Variants in CTNNA3 observed in about 807,000 individuals in gnomAD.
CTNNA3 encodes catenin alpha-3.
CTNNA3 carries 76 observed loss-of-function variants against 95.7 expected under a neutral mutation model. The observed-to-expected ratio is 0.79, with a 90% CI of 0.66 to 0.96. The LOEUF is 0.96. Ranked by LOEUF, CTNNA3 falls within the 40% of genes least tolerant of loss-of-function variation. The probability of loss-of-function intolerance (pLI) is 0.00; values close to 1 mark genes in which losing one functional copy is unlikely to be tolerated. For missense variants in CTNNA3, 1,191 were observed against 1,089.8 expected, an observed-to-expected ratio of 1.09 and a Z score of -1.31; for synonymous variants, 431 against 374.4, an observed-to-expected ratio of 1.15 and a Z score of -1.74.
At chr10:66,623,427 G>A (rs1173074919) in intron 9 of CTNNA3, among the ~76,000 whole-genome samples, 1 of 150,082 alleles carries the variant, frequency 6.7e-6, no homozygotes, top group African/African-American at 2.4e-5. Flanking sequence ...CCTTTTGAAA[G>A]TATACATTCT....
chr10:66,446,611 A>G (rs1214437879), intron 11 of CTNNA3, among the ~76,000 whole-genome samples: 1 of 152,092 alleles, frequency 6.6e-6, no homozygotes, highest in African/African-American at 2.4e-5. Flanking sequence ...AAGGCCTTTG[A>G]CAAAATCCAA....
intron 15 of CTNNA3, among the ~76,000 whole-genome samples, chr10:66,064,959 G>A (rs2080282974): frequency 6.6e-6 from 1 of 151,840 alleles, no homozygotes; most frequent in Non-Finnish European, 1.5e-5. Context: ...TAAATTCTGG[G>A]TATAAAAAAA....
chr10:67,276,746 C>T lies in CTNNA3; in HGVS notation c.580-56876G>A, dbSNP rs143626644. On this transcript the variant is annotated intron_variant, in intron 5 of 17. Coordinates refer to ENST00000433211, the MANE Select transcript of CTNNA3 (RefSeq NM_013266.4). Reference sequence around the variant, plus strand: ...GTGACAGAGATGAAACAAGATGGATCGTGAATTGATAATTACTGAAGTTGG... The same window carrying T: ...GTGACAGAGATGAAACAAGATGGATTGTGAATTGATAATTACTGAAGTTGG... 4.6e-5 allele frequency among the ~76,000 whole-genome samples: 7 copies of T among 151,962 alleles called. No individual in the cohort carries two copies. The East Asian group carries it at 1.2e-3, about 25-fold the overall frequency.
chr10:66,439,587 A>G (rs1455433856), intron 11 of CTNNA3, among the ~76,000 whole-genome samples: 1 of 152,200 alleles, frequency 6.6e-6, no homozygotes, highest in East Asian at 1.9e-4. Context: ...AAAAATGGTA[A>G]TATAACTTTT....
chr10:66,815,617 A>G (rs1420288725), intron 7 of CTNNA3, among the ~76,000 whole-genome samples: 2 of 152,182 alleles, frequency 1.3e-5, no homozygotes, highest in East Asian at 1.9e-4. Flanking sequence ...CCCTAGGTAT[A>G]CCATCTTTGT....
intron 7 of CTNNA3, among the ~76,000 whole-genome samples, chr10:66,967,763 T>A (rs190032218): frequency 6.6e-4 from 100 of 152,142 alleles, no homozygotes; most frequent in Non-Finnish European, 1.2e-3. Context: ...AGAAAAATAA[T>A]CTGTTTAGTA....
intron 9 of CTNNA3, among the ~76,000 whole-genome samples, chr10:66,714,470 C>T (rs547304469): frequency 2.0e-5 from 3 of 152,254 alleles, no homozygotes; most frequent in Non-Finnish European, 4.4e-5. Context: ...TTTCTCAAAA[C>T]TCTTATTTAG....
At chr10:67,206,201 T>A (rs1863894075) in intron 6 of CTNNA3, among the ~76,000 whole-genome samples, 1 of 152,182 alleles carries the variant, frequency 6.6e-6, no homozygotes, top group Non-Finnish European at 1.5e-5. Flanking sequence ...AATGGTACTG[T>A]CAAGTCCTCT....
At position 66,331,454 on chromosome 10, in the gene CTNNA3, C is replaced by A. The variant is rs868354358; in HGVS notation, c.1732+47698G>T. ...CTGCAAGCTCCGCCTCCCGGGTTCA[C>A]GCCATTCTCCTGCCTCAGCCTCCCG... is the stretch of plus-strand genomic sequence containing the variant. On this transcript the variant is annotated intron_variant, in intron 12 of 17. Coordinates refer to ENST00000433211, the MANE Select transcript of CTNNA3 (RefSeq NM_013266.4). 1.4e-3 allele frequency among the ~76,000 whole-genome samples: 203 copies of A among 147,294 alleles called. 2 individuals carry two copies. Among genetic ancestry groups the A allele is most frequent in the African/African-American group, 4.8e-3 (192 of 39,732 alleles).
intron 5 of CTNNA3, among the ~76,000 whole-genome samples, chr10:67,235,861 G>C (rs1467905546): frequency 4.3e-5 from 6 of 141,000 alleles, no homozygotes; most frequent in Non-Finnish European, 9.1e-5. Context: ...GACATGAACA[G>C]ACTCTTCTCA....
intron 11 of CTNNA3, among the ~76,000 whole-genome samples, chr10:66,473,064 A>T (rs926779902): frequency 6.6e-6 from 1 of 152,078 alleles, no homozygotes; most frequent in African/African-American, 2.4e-5. Context: ...TTTATGGAGT[A>T]CAGTGAGCTG....
intron 11 of CTNNA3, among the ~76,000 whole-genome samples, chr10:66,394,805 T>C (rs2092962166): frequency 6.6e-6 from 1 of 151,972 alleles, no homozygotes; most frequent in South Asian, 2.1e-4. Context: ...AGTGTCCAAA[T>C]ATAAAATCTG....
At chr10:66,767,676 T>A (rs1377414329) in intron 8 of CTNNA3, among the ~76,000 whole-genome samples, 2 of 152,138 alleles carry the variant, frequency 1.3e-5, no homozygotes, top group African/African-American at 4.8e-5. Flanking sequence ...AGTTTTAGAT[T>A]ACTTGGGAAT....
At chr10:67,019,691 A>G (rs894189772) in intron 7 of CTNNA3, among the ~76,000 whole-genome samples, 4 of 152,156 alleles carry the variant, frequency 2.6e-5, no homozygotes, top group African/African-American at 9.7e-5. Context: ...AGGTCTCCCT[A>G]TGTAATGTCA....
chr10:66,153,591 T>TG (rs1312417681), intron 13 of CTNNA3, among the ~76,000 whole-genome samples: 1 of 151,880 alleles, frequency 6.6e-6, no homozygotes, highest in Non-Finnish European at 1.5e-5. Context: ...TATACCAATT[T>TG]GGGGGCTCTT....
chr10:67,025,315 T>C (rs901052691), intron 7 of CTNNA3, among the ~76,000 whole-genome samples: 8 of 151,670 alleles, frequency 5.3e-5, no homozygotes, highest in African/African-American at 1.9e-4. Flanking sequence ...CATAAGCCTA[T>C]TTTGTAAGCC....
chr10:66,468,521 A>G (rs776177595), intron 11 of CTNNA3, among the ~76,000 whole-genome samples: 4 of 151,978 alleles, frequency 2.6e-5, no homozygotes, highest in Non-Finnish European at 5.9e-5. Flanking sequence ...TTTAGGTAGC[A>G]TAAAGAAGTT....
At chr10:66,147,856 A>G (rs1418581526) in intron 13 of CTNNA3, among the ~76,000 whole-genome samples, 2 of 151,360 alleles carry the variant, frequency 1.3e-5, no homozygotes, top group Non-Finnish European at 2.9e-5. Flanking sequence ...TATGCTTATA[A>G]AAGTATGTAA....
chr10:66,585,679 T>C (rs947909942), intron 10 of CTNNA3, among the ~76,000 whole-genome samples: 2 of 152,044 alleles, frequency 1.3e-5, no homozygotes, highest in Non-Finnish European at 2.9e-5. Flanking sequence ...TGGTATTTTA[T>C]GTTGGTTTTC....
Sources: gnomAD v4.1 joint callset for allele counts (sites outside exome capture counted in the v4.1 genomes callset) on GRCh38, gnomAD v4.1.1 for gene constraint, MANE v1.5 for transcripts, NCBI Gene and HGNC (gene_info 2026-07-23, HGNC 2026-07-21) for gene names.